The following NLRC5 variants were observed in gnomAD, a reference collection of about 807,000 sequenced individuals.
NLRC5 encodes NLR family CARD domain containing 5.
NLRC5 carries 114 observed loss-of-function variants against 206.9 expected under a neutral mutation model. The ratio of observed to expected loss-of-function variants is 0.55; its 90% CI spans 0.47 to 0.64. NLRC5 has a LOEUF of 0.64. NLRC5 is among the 30% of genes least tolerant of loss of function. The pLI is 0.00. For missense variants in NLRC5, 2,008 were observed against 2,305.5 expected (o/e 0.87, Z 2.64); for synonymous variants, 952 against 962.8 (o/e 0.99, Z 0.21).
At chr16:57,010,608 A>G (rs2059385039) in intron 1 of NLRC5, among the ~76,000 whole-genome samples, 1 of 152,162 alleles carries the variant, frequency 6.6e-6, no homozygotes, top group Non-Finnish European at 1.5e-5. Context: ...CCTGAGCTCA[A>G]GCTATCCTCC....
At chr16:57,019,346 G>A (rs1176224287) in intron 2 of NLRC5, among the ~76,000 whole-genome samples, 10 of 152,082 alleles carry the variant, frequency 6.6e-5, no homozygotes, top group African/African-American at 2.2e-4. Context: ...GCAGTGAGCC[G>A]AGATTGCACC....
At chr16:57,059,303 C>A in intron 29 of NLRC5, 164 bp from the exon 30 acceptor site, 1 of 1,464,776 alleles carries the variant, frequency 6.8e-7, no homozygotes, top group Non-Finnish European at 9.0e-7. Context: ...TATTGCCATG[C>A]TCACAGAATG....
At chr16:57,046,049 GT>G (rs1199809785) in intron 21 of NLRC5, among the ~76,000 whole-genome samples, 1 of 152,238 alleles carries the variant, frequency 6.6e-6, no homozygotes, top group Non-Finnish European at 1.5e-5. Flanking sequence ...AGCTGGCTGG[GT>G]GGAGAGAGTC....
At chr16:57,036,630 T>G (rs1453289713) in intron 14 of NLRC5, among the ~76,000 whole-genome samples, 1 of 149,704 alleles carries the variant, frequency 6.7e-6, no homozygotes, top group East Asian at 2.0e-4. Context: ...CTGGGTGTGC[T>G]GTGGTGTTGC....
intron 46 of NLRC5, among the ~76,000 whole-genome samples, chr16:57,080,033 C>G (rs2068933161): frequency 1.3e-5 from 2 of 152,136 alleles, no homozygotes; most frequent in African/African-American, 4.8e-5. Flanking sequence ...AAAGCCACCC[C>G]CAGACCTGCT....
intron 32 of NLRC5, 65 bp downstream of exon 32, chr16:57,061,766 G>T: frequency 6.4e-7 from 1 of 1,572,024 alleles, no homozygotes. Flanking sequence ...GTGGGCACTG[G>T]AGTAAGAGGC....
intron 43 of NLRC5, among the ~76,000 whole-genome samples, chr16:57,078,681 G>T (rs1347683183): frequency 1.3e-5 from 2 of 151,988 alleles, no homozygotes; most frequent in Non-Finnish European, 2.9e-5. Context: ...ATATTGCCCA[G>T]GCTGGTCTTG....
chr16:57,017,397 T>C (rs905543551), intron 2 of NLRC5, among the ~76,000 whole-genome samples: 11 of 152,198 alleles, frequency 7.2e-5, no homozygotes, highest in Non-Finnish European at 5.9e-5. Flanking sequence ...GCATCTAATC[T>C]ACCCATTTTA....
Position 57,025,633 on chromosome 16 carries a change from T to C in NLRC5, c.690T>C (p.Ala230=), listed in dbSNP as rs2061205454. Reference sequence around the variant, plus strand: ...GGGTGACCGTGCTTTTGGGGAAGGCTGGCATGGGCAAGACCACGCTGGCCC... The same window carrying C: ...GGGTGACCGTGCTTTTGGGGAAGGCCGGCATGGGCAAGACCACGCTGGCCC... ...GPRVTVLLGK[A]GMGKTTLAHR... Residue 230 remains alanine (A), a synonymous_variant, in exon 6 of 49, where the codon GCT becomes GCC. Transcript: ENST00000688547. The C allele has an allele frequency of 1.9e-6, 3 of 1,614,092 alleles. No homozygotes were observed. The highest frequency in any genetic ancestry group is 2.5e-6 in the Non-Finnish European group (3 of 1,180,002).
chr16:57,017,862 C>G (rs1432091121), intron 2 of NLRC5, among the ~76,000 whole-genome samples: 1 of 152,198 alleles, frequency 6.6e-6, no homozygotes, highest in Non-Finnish European at 1.5e-5. Context: ...AGCCCTAATG[C>G]CTACCACAGA....
chr16:57,070,423 A>T (rs535628187), intron 37 of NLRC5, 112 bp from the exon 38 acceptor site: 3 of 868,470 alleles, frequency 3.5e-6, no homozygotes, highest in Non-Finnish European at 5.6e-6. Flanking sequence ...GGGCATGCAG[A>T]TGCAGAGTTG....
chr16:57,037,535 T>G (rs2062755159), intron 15 of NLRC5, among the ~76,000 whole-genome samples: 1 of 151,926 alleles, frequency 6.6e-6, no homozygotes, highest in East Asian at 1.9e-4. Flanking sequence ...AACCCCCACT[T>G]TCCCCTAACC....
intron 13 of NLRC5, among the ~76,000 whole-genome samples, chr16:57,035,801 G>T (rs1205476780): frequency 1.3e-5 from 2 of 152,194 alleles, no homozygotes; most frequent in African/African-American, 4.8e-5. Flanking sequence ...TCTCCCTCGA[G>T]CAAGTGCCTT....
chr16:57,036,969 T>C (rs2062664772), intron 14 of NLRC5, among the ~76,000 whole-genome samples: 2 of 152,088 alleles, frequency 1.3e-5, no homozygotes, highest in Admixed American at 1.3e-4. Flanking sequence ...AACACTGAGT[T>C]CTTGCTGTCA....
intron 1 of NLRC5, among the ~76,000 whole-genome samples, chr16:57,002,645 G>GTTT (rs61167610): frequency 2.4e-4 from 23 of 94,730 alleles, no homozygotes; most frequent in Non-Finnish European, 3.0e-4. Context: ...GTTTTTTTTT[G>GTTT]TTTTTTTTTT....
chr16:57,074,569 T>C (rs756879932), intron 38 of NLRC5, 31 bp from the exon 39 acceptor site: 15 of 1,607,538 alleles, frequency 9.3e-6, no homozygotes, highest in Admixed American at 8.3e-5. Flanking sequence ...CACCCCCAGA[T>C]GTCAAGTTCA....
At chr16:57,054,377 G>A (rs2065318123) in intron 24 of NLRC5, among the ~76,000 whole-genome samples, 1 of 152,154 alleles carries the variant, frequency 6.6e-6, no homozygotes, top group African/African-American at 2.4e-5. Flanking sequence ...TGTGAAATCT[G>A]TGCTTGCAGG....
At chr16:57,012,156 C>T (rs1348718738) in intron 1 of NLRC5, among the ~76,000 whole-genome samples, 1 of 151,886 alleles carries the variant, frequency 6.6e-6, no homozygotes, top group African/African-American at 2.4e-5. Context: ...AATACGTGAT[C>T]TTTAGTGATC....
intron 18 of NLRC5, 63 bp from the exon 19 acceptor site, chr16:57,041,919 C>A: frequency 9.0e-7 from 1 of 1,115,786 alleles, no homozygotes; most frequent in Non-Finnish European, 1.3e-6. Flanking sequence ...ATGCAGGGAC[C>A]ATGCTGCCAG....
Sources: gnomAD v4.1 joint callset for allele counts (sites outside exome capture counted in the v4.1 genomes callset) on GRCh38, gnomAD v4.1.1 for gene constraint, MANE v1.5 for transcripts, NCBI Gene and HGNC (gene_info 2026-07-23, HGNC 2026-07-21) for gene names.